The following AP2B1 variants were observed in gnomAD, a reference collection of about 807,000 sequenced individuals.
AP2B1 encodes the protein AP-2 complex subunit beta.
A neutral mutation model predicts 102.0 loss-of-function variants in AP2B1; 23 were observed. The ratio of observed to expected loss-of-function variants is 0.23; its 90% CI spans 0.16 to 0.32. The LOEUF is 0.32. Among genes scored for constraint, AP2B1 ranks in the 10% least tolerant of loss-of-function variants. The pLI, the probability that AP2B1 is intolerant of heterozygous loss-of-function variation, is 1.00. For missense variants in AP2B1, 541 were observed against 1,157.4 expected, an observed-to-expected ratio of 0.47 and a Z score of 7.73; for synonymous variants, 381 against 421.2, an observed-to-expected ratio of 0.90 and a Z score of 1.17.
rs1243786304 is a variant in AP2B1 at position 35,684,658 on chromosome 17, TATG to T, written c.2454+1839_2454+1841del. On this transcript the variant is annotated intron_variant, in intron 18 of 21. Transcript: ENST00000610402. The stretch of plus-strand genomic sequence containing the variant: ...CTATGCAGATGGAATTGGCTGTTAC[TATG>T]ATGACAGTAATGTGTTAAGGGGCTT... Among the ~76,000 whole-genome samples, 8 of 152,210 alleles carry T rather than the reference TATG, an allele frequency of 5.3e-5. No individual in the cohort carries two copies. The South Asian group carries it at 8.3e-4, about 16-fold the overall frequency.
At chr17:35,697,992 A>G (rs1156329451) in intron 18 of AP2B1, among the ~76,000 whole-genome samples, 1 of 152,238 alleles carries the variant, frequency 6.6e-6, no homozygotes, top group East Asian at 1.9e-4. Context: ...TCTTTTAGCA[A>G]TAGATATTCA....
chr17:35,597,861 T>G (rs2142328331), intron 2 of AP2B1, among the ~76,000 whole-genome samples: 1 of 152,286 alleles, frequency 6.6e-6, no homozygotes, highest in South Asian at 2.1e-4. Flanking sequence ...ACGCGCCTGC[T>G]CCCTACCTAC....
rs782691619 is a variant in AP2B1, at chr17:35,717,325, C to G, written c.2757C>G (p.Ile919Met). 1.2e-6 allele frequency: 2 copies of G among 1,614,138 alleles called. No individual in the cohort carries two copies. Among genetic ancestry groups the G allele is most frequent in the Admixed American group, 3.3e-5 (2 of 60,026 alleles). The change falls in exon 21 of 22, where the codon ATC becomes ATG. Residue 919 changes from isoleucine (I) to methionine (M), a missense_variant. Around this residue, in one of 10 missense-constraint regions of AP2B1, gnomAD observed 117 missense variants for 206.7 expected, o/e 0.57. Transcript: ENST00000610402. ...NGIWILAELR[I>M]QPGNPNYTLS... ...TTTGGATTTTGGCCGAACTACGTAT[C>G]CAGCCAGGAAACCCCAATTACACGG...
At chr17:35,709,602 A>G (rs894245373) in intron 19 of AP2B1, among the ~76,000 whole-genome samples, 2 of 152,180 alleles carry the variant, frequency 1.3e-5, no homozygotes, top group Non-Finnish European at 2.9e-5. Flanking sequence ...CAGCTCTGCT[A>G]TTTATTTGCT....
chr17:35,685,992 A>G (rs1005781938), intron 18 of AP2B1, among the ~76,000 whole-genome samples: 5 of 152,142 alleles, frequency 3.3e-5, no homozygotes, highest in African/African-American at 1.2e-4. Flanking sequence ...CGAACTCCTG[A>G]CCTCAGGTGA....
intron 5 of AP2B1, among the ~76,000 whole-genome samples, chr17:35,619,649 T>C (rs937815660): frequency 9.9e-5 from 15 of 152,110 alleles, no homozygotes; most frequent in Admixed American, 7.2e-4. Flanking sequence ...TATCTATCTC[T>C]GTAAAGTATA....
intron 18 of AP2B1, among the ~76,000 whole-genome samples, chr17:35,701,610 TG>T (rs1219418051): frequency 6.6e-6 from 1 of 152,184 alleles, no homozygotes; most frequent in African/African-American, 2.4e-5. Flanking sequence ...GGGACTTGTT[TG>T]TTCGTTTGTG....
intron 17 of AP2B1, among the ~76,000 whole-genome samples, chr17:35,675,237 A>G (rs1368026327): frequency 6.6e-6 from 1 of 152,250 alleles, no homozygotes; most frequent in Non-Finnish European, 1.5e-5. Context: ...AATGGCTGTT[A>G]GACCTTAATG....
At chr17:35,700,245 G>A (rs1441744385) in intron 18 of AP2B1, among the ~76,000 whole-genome samples, 1 of 151,622 alleles carries the variant, frequency 6.6e-6, no homozygotes, top group Admixed American at 6.6e-5. Flanking sequence ...ATATCACATA[G>A]TTGGAGTAAG....
chr17:35,650,388 T>C, intron 12 of AP2B1, 142 bp from the exon 13 acceptor site: 1 of 983,416 alleles, frequency 1.0e-6, no homozygotes, highest in Non-Finnish European at 1.5e-6. Flanking sequence ...AGCTATGAGC[T>C]ACCACATCCA....
At chr17:35,720,541 T>TATATATATATATATATATA (rs2085329488) in intron 21 of AP2B1, among the ~76,000 whole-genome samples, 1 of 105,264 alleles carries the variant, frequency 9.5e-6, no homozygotes, top group African/African-American at 3.8e-5. Context: ...TATTTTTATT[T>TATATATATATATATATATA]TATTTATATA....
At chr17:35,589,765 A>T (rs2073027302) in intron 1 of AP2B1, among the ~76,000 whole-genome samples, 1 of 152,210 alleles carries the variant, frequency 6.6e-6, no homozygotes, top group Non-Finnish European at 1.5e-5. Flanking sequence ...GTAGAAAGGT[A>T]GTGTGAGTTC....
chr17:35,645,318 C>T (rs1374400165), intron 12 of AP2B1, among the ~76,000 whole-genome samples: 1 of 152,120 alleles, frequency 6.6e-6, no homozygotes, highest in Admixed American at 6.5e-5. Context: ...TTTCATACTG[C>T]TTTTCTTCTG....
intron 18 of AP2B1, among the ~76,000 whole-genome samples, chr17:35,697,166 A>G (rs1277189814): frequency 6.6e-6 from 1 of 152,194 alleles, no homozygotes; most frequent in Non-Finnish European, 1.5e-5. Flanking sequence ...CCCAAGTTTA[A>G]TCTGAAGACT....
In AP2B1 at chr17:35,657,587, A is replaced by G. The variant is rs985813281; in HGVS notation, c.1797-12A>G. The G allele has an allele frequency of 1.1e-5, 18 of 1,605,970 alleles. No homozygotes were observed. Among genetic ancestry groups the G allele is most frequent in the Admixed American group, 1.7e-5 (1 of 59,266 alleles). On this transcript the variant is annotated splice_polypyrimidine_tract_variant and intron_variant, in intron 13 of 21. Coordinates refer to ENST00000610402, the MANE Select transcript of AP2B1 (RefSeq NM_001030006.2). ...TTTCTCTTTTCTCCATTTTATGTGTATGTGACTTTAGCACTGATGCAGGTG... is the reference window on the plus strand; with the variant it reads ...TTTCTCTTTTCTCCATTTTATGTGTGTGTGACTTTAGCACTGATGCAGGTG...
At chr17:35,660,409 T>C (rs1220027197) in intron 14 of AP2B1, among the ~76,000 whole-genome samples, 1 of 152,090 alleles carries the variant, frequency 6.6e-6, no homozygotes, top group African/African-American at 2.4e-5. Flanking sequence ...TTGTGACCAC[T>C]GTGAACTACT....
intron 5 of AP2B1, among the ~76,000 whole-genome samples, chr17:35,615,468 A>G (rs1180724469): frequency 6.6e-6 from 1 of 152,194 alleles, no homozygotes; most frequent in Non-Finnish European, 1.5e-5. Context: ...TCAACCTAAG[A>G]TGATAAAATA....
intron 12 of AP2B1, among the ~76,000 whole-genome samples, chr17:35,650,188 G>T (rs567023422): frequency 6.6e-6 from 1 of 152,052 alleles, no homozygotes; most frequent in East Asian, 1.9e-4. Context: ...GATCTCAAGC[G>T]ATCCGTCCAC....
At chr17:35,682,569 G>A in intron 17 of AP2B1, 126 bp from the exon 18 acceptor site, 1 of 810,946 alleles carries the variant, frequency 1.2e-6, no homozygotes, top group East Asian at 3.5e-5. Context: ...GTTTTGAACT[G>A]CTGACCTCAG....
Sources: allele counts gnomAD v4.1 joint callset (sites outside exome capture counted in the v4.1 genomes callset), GRCh38; gene constraint gnomAD v4.1.1; regional missense constraint gnomAD v4.1.1; transcripts MANE v1.5; gene names NCBI Gene and HGNC (gene_info 2026-07-23, HGNC 2026-07-21).